RGS8: variants seen among roughly 807,000 people sequenced by gnomAD.
RGS8 encodes the protein regulator of G-protein signaling 8.
A neutral mutation model predicts 21.7 loss-of-function variants in RGS8; 8 were observed. That is an observed-to-expected ratio of 0.37 (90% CI 0.22 to 0.66). The LOEUF (loss-of-function observed/expected upper bound fraction) is 0.66. Among genes scored for constraint, RGS8 ranks in the 30% least tolerant of loss-of-function variants. The pLI, the probability that RGS8 is intolerant of heterozygous loss-of-function variation, is 0.59. For synonymous variants in RGS8, 80 were observed against 83.6 expected (o/e 0.96, Z 0.24); for missense variants, 157 against 217.9 (o/e 0.72, Z 1.76).
At chr1:182,663,552 A>T (rs375380066) in intron 5 of RGS8, among the ~76,000 whole-genome samples, 1 of 152,218 alleles carries the variant, frequency 6.6e-6, no homozygotes, top group Non-Finnish European at 1.5e-5. Context: ...TTTAAGAAAC[A>T]GGGTCTCACT....
the RGS8 span, chr1:182,714,381 T>C: frequency 1.3e-5 from 2 of 152,228 alleles, no homozygotes; most frequent in African/African-American, 2.4e-5. Flanking sequence ...AAGCCTGAAG[T>C]AGCATCTGGT....
intron 5 of RGS8, among the ~76,000 whole-genome samples, chr1:182,663,617 C>T (rs1247455159): frequency 2.0e-5 from 3 of 152,192 alleles, no homozygotes; most frequent in Admixed American, 6.5e-5. Context: ...CAGCCTCAAC[C>T]TCCTGGGCTT....
At chr1:182,727,015 A>G in the RGS8 span, among the ~76,000 whole-genome samples, 1 of 152,188 alleles carries the variant, frequency 6.6e-6, no homozygotes, top group Non-Finnish European at 1.5e-5. Context: ...ATAACTTTTC[A>G]GCTCCTCCCT....
At chr1:182,739,999 C>A in the RGS8 span, among the ~76,000 whole-genome samples, 1 of 152,084 alleles carries the variant, frequency 6.6e-6, no homozygotes, top group South Asian at 2.1e-4. Context: ...TTTCTATCAT[C>A]GCCTGGGTGA....
At chr1:182,671,686 G>T in exon 2 of RGS8, 1 of 1,614,200 alleles carries the variant, frequency 6.2e-7, no homozygotes, top group Non-Finnish European at 8.5e-7. Context: ...TGGCCTGAGG[G>T]TCTTTGCCAA....
At chr1:182,687,829 C>A (rs1332110093), upstream of RGS8, among the ~76,000 whole-genome samples, 2 of 152,108 alleles carry the variant, frequency 1.3e-5, no homozygotes, top group African/African-American at 2.4e-5. Context: ...ACCAACTGAA[C>A]CAATACAGAA....
At chr1:182,665,797 T>C (rs1416646570) in intron 5 of RGS8, among the ~76,000 whole-genome samples, 172 bp downstream of exon 6, 2 of 152,172 alleles carry the variant, frequency 1.3e-5, no homozygotes, top group Non-Finnish European at 2.9e-5. Context: ...TGCATTTAAA[T>C]CATTCATTTT....
At chr1:182,683,201 G>A (rs1232621445) in intron 1 of RGS8, among the ~76,000 whole-genome samples, 1 of 152,204 alleles carries the variant, frequency 6.6e-6, no homozygotes, top group South Asian at 2.1e-4. Context: ...CTCTAAGAAT[G>A]GGTGGAGAAC....
At chr1:182,650,801 C>G (rs1662976179) in intron 5 of RGS8, among the ~76,000 whole-genome samples, 1 of 152,170 alleles carries the variant, frequency 6.6e-6, no homozygotes, top group Non-Finnish European at 1.5e-5. Context: ...TTATCCAAGT[C>G]AGGTCATGTT....
upstream of RGS8, among the ~76,000 whole-genome samples, chr1:182,675,922 G>A (rs966605248): frequency 2.0e-5 from 3 of 152,268 alleles, no homozygotes; most frequent in African/African-American, 4.8e-5. Context: ...TTAACTCACA[G>A]AGAGCAGGTG....
downstream of RGS8, chr1:182,643,327 C>A (rs1410034875): frequency 7.3e-5 from 8 of 109,848 alleles, 1 homozygote; most frequent in African/African-American, 1.2e-4. Context: ...CCCCCAGCCC[C>A]CCCGCCCCCG....
chr1:182,675,721 C>A (rs144314401), upstream of RGS8, among the ~76,000 whole-genome samples: 1 of 152,234 alleles, frequency 6.6e-6, no homozygotes, highest in East Asian at 1.9e-4. Context: ...CTTTCCAAAC[C>A]TTTTTCAGAA....
At chr1:182,721,758 A>G in the RGS8 span, among the ~76,000 whole-genome samples, 2 of 152,240 alleles carry the variant, frequency 1.3e-5, no homozygotes, top group Admixed American at 6.5e-5. Context: ...GAAAGGTCAG[A>G]GTTCATATCA....
the RGS8 span, among the ~76,000 whole-genome samples, chr1:182,716,125 G>GTTTT: frequency 6.8e-6 from 1 of 147,598 alleles, no homozygotes; most frequent in South Asian, 2.1e-4. Flanking sequence ...ACTGTTTTTT[G>GTTTT]GTTTTTTTTT....
chr1:182,738,126 C>T, the RGS8 span, among the ~76,000 whole-genome samples: 7,944 of 152,242 alleles, frequency 0.052, 239 homozygotes, highest in Middle Eastern at 0.071. Flanking sequence ...TCATAAAATG[C>T]TAATTCATTA....
chr1:182,677,159 T>G (rs1001045944), upstream of RGS8, among the ~76,000 whole-genome samples: 19 of 152,202 alleles, frequency 1.2e-4, no homozygotes, highest in African/African-American at 4.3e-4. Context: ...CAACCCCAAC[T>G]CCGTAATTTT....
intron 5 of RGS8, among the ~76,000 whole-genome samples, chr1:182,661,411 G>A (rs1442499050): frequency 6.6e-6 from 1 of 152,022 alleles, no homozygotes; most frequent in Non-Finnish European, 1.5e-5. Flanking sequence ...TCACACATAA[G>A]AAGTGAGAGG....
the RGS8 span, among the ~76,000 whole-genome samples, chr1:182,726,971 T>C: frequency 6.6e-6 from 1 of 152,168 alleles, no homozygotes; most frequent in Non-Finnish European, 1.5e-5. Context: ...TGGGGCCATG[T>C]ACACCCGCCA....
At chr1:182,721,710 C>T in the RGS8 span, among the ~76,000 whole-genome samples, 15 of 152,170 alleles carry the variant, frequency 9.9e-5, no homozygotes, top group South Asian at 4.1e-4. Flanking sequence ...CTGCTGTCAC[C>T]CACTGTGCTG....
Sources: allele counts gnomAD v4.1 joint callset (sites outside exome capture counted in the v4.1 genomes callset), GRCh38; gene constraint gnomAD v4.1.1; transcripts MANE v1.5; gene names NCBI Gene and HGNC (gene_info 2026-07-23, HGNC 2026-07-21).